Variants in SLC44A4 observed in about 807,000 individuals in gnomAD.
SLC44A4 encodes the protein choline transporter-like protein 4.
Under a neutral mutation model 97.0 loss-of-function variants are expected in SLC44A4, and 74 were observed. The ratio of observed to expected loss-of-function variants is 0.76; its 90% confidence interval spans 0.63 to 0.93. The LOEUF (loss-of-function observed/expected upper bound fraction) is 0.93, where lower values mean the gene tolerates loss of function less well. Among genes scored for constraint, SLC44A4 ranks in the 40% least tolerant of loss-of-function variants. SLC44A4 has a pLI of 0.00. For missense variants in SLC44A4, 799 were observed against 902.9 expected (o/e 0.88, Z 1.48); for synonymous variants, 325 against 363.8 (o/e 0.89, Z 1.21).
rs1428832985 is a variant in SLC44A4 at position 31,864,908 on chromosome 6, C to A, written c.1834G>T (p.Val612Phe). ...CCGGAGAAAAAAAAGAAGGACAGGACCCCTGTGGAATAATTCTGGGGGTTA... is the reference window on the plus strand; with the variant it reads ...CCGGAGAAAAAAAAGAAGGACAGGAACCCTGTGGAATAATTCTGGGGGTTA... ...GKLLVVGGVG[V>F]LSFFFFSGRI... The change falls in exon 19 of 21, where the codon GTC becomes TTC. Residue 612 changes from valine (V) to phenylalanine (F), a missense_variant and splice_region_variant. Around this residue, in one of 3 missense-constraint regions of SLC44A4, gnomAD observed 379 missense variants for 438.3 expected, o/e 0.86. Transcript: ENST00000229729. The A allele has an allele frequency of 1.2e-6, 2 of 1,614,006 alleles. No homozygotes were observed. The highest frequency in any genetic ancestry group is 1.7e-6 in the Non-Finnish European group (2 of 1,179,944).
At chr6:31,873,800 C>T (rs992885533) in intron 7 of SLC44A4, among the ~76,000 whole-genome samples, 5 of 149,724 alleles carry the variant, frequency 3.3e-5, no homozygotes, top group Non-Finnish European at 7.4e-5. Context: ...GCAGGCTGGG[C>T]GTGGTGGCTC....
rs1763495483 is a variant in SLC44A4, at chr6:31,877,209, C to T, written c.41-127G>A. On this transcript the variant is annotated intron_variant, in intron 1 of 20. Coordinates refer to ENST00000229729, the MANE Select transcript of SLC44A4 (RefSeq NM_025257.3). The surrounding 1 kb of genome is among the most constrained non-coding windows in gnomAD (Gnocchi z 6.5). ...TGGAGGGAGATGGGCTAGGGCAGGA[C>T]TGGCAGGAGGGGAAAACTGGGGAGC... is the stretch of plus-strand genomic sequence containing the variant. The T allele has an allele frequency of 2.1e-6, 2 of 965,416 alleles. No individual in the cohort carries two copies. Among genetic ancestry groups the T allele is most frequent in the South Asian group, 3.2e-5 (2 of 62,316 alleles). 59.8% of individuals were successfully genotyped at this position (965,416 alleles called of 1,614,324 possible).
intron 11 of SLC44A4, among the ~76,000 whole-genome samples, chr6:31,869,884 C>G (rs1670555517): frequency 6.6e-6 from 1 of 151,876 alleles, no homozygotes; most frequent in South Asian, 2.1e-4. Context: ...ACTCCGGAGG[C>G]TGAGGCAGGA....
chr6:31,875,019 C>G lies in SLC44A4; in HGVS notation c.252G>C (p.Pro84=), dbSNP rs768859200. The G allele has an allele frequency of 6.2e-7, 1 of 1,611,372 alleles. No individual in the cohort carries two copies. The highest frequency in any genetic ancestry group is 8.5e-7 in the Non-Finnish European group (1 of 1,179,206). ...YCGMGENKDK[P]YLLYFNIFSC... ...TGAAGATGTTGAAGTACAGGAGATACGGCTTATCTCTGTGGGAGGGGAGGG... is the reference window on the plus strand; with the variant it reads ...TGAAGATGTTGAAGTACAGGAGATAGGGCTTATCTCTGTGGGAGGGGAGGG... Residue 84 remains proline, a synonymous_variant, in exon 5 of 21, where the codon CCG becomes CCC. Coordinates refer to ENST00000229729, the MANE Select transcript of SLC44A4 (RefSeq NM_025257.3).
chr6:31,865,882 C>T lies in SLC44A4; in HGVS notation c.1478G>A (p.Arg493His), dbSNP rs749433321. ...PTFPLISAFI[R>H]TLRYHTGSLA... ...CCTGCCCCATCCTTACCGGAGTGTG[C>T]GGATGAAGGCAGAGATTAAGGGGAA... Residue 493 changes from arginine (R) to histidine (H), a missense_variant, in exon 14 of 21, where the codon CGC (arginine) becomes CAC (histidine). Physicochemically the swap from Arg to His is conservative, Grantham distance 29. Around this residue, in one of 3 missense-constraint regions of SLC44A4, gnomAD observed 379 missense variants for 438.3 expected, o/e 0.86. Coordinates refer to ENST00000229729, the MANE Select transcript of SLC44A4 (RefSeq NM_025257.3). This position sits in a 1 kb window ranked among gnomAD's most constrained non-coding sequence, Gnocchi z 5.2. 8 of 1,614,068 alleles carry T rather than the reference C, an allele frequency of 5.0e-6. No homozygotes were observed. The highest frequency in any genetic ancestry group is 2.2e-5 in the South Asian group (2 of 91,074).
intron 11 of SLC44A4, 41 bp downstream of exon 11, chr6:31,870,562 C>T (rs372913706): frequency 1.3e-4 from 202 of 1,517,288 alleles, no homozygotes; most frequent in Non-Finnish European, 1.7e-4. Context: ...CCTGGGTCCA[C>T]GCTGTCCTCA....
Position 31,866,051 on chromosome 6 carries a change from G to T in SLC44A4, c.1309C>A (p.Arg437Ser). Residue 437 changes from arginine to serine, a missense_variant, in exon 14 of 21, where the codon CGT (arginine) becomes AGT (serine). By Grantham distance (110) the Arg-to-Ser change is moderately radical. Transcript: ENST00000229729. ...QGYSSKGLIQ[R>S]SVFNLQIYGV... ...TAGATTTGCAGATTGAAGACAGAAC[G>T]TTGGATTAGGCCTTTGGATGAGTAG... 1 of 1,614,200 alleles carries T rather than the reference G, an allele frequency of 6.2e-7. No individual in the cohort carries two copies. Among genetic ancestry groups the T allele is most frequent in the Non-Finnish European group, 8.5e-7 (1 of 1,180,034 alleles).
Position 31,869,211 on chromosome 6 carries a change from T to C in SLC44A4, c.1177A>G (p.Asn393Asp). 2 of 1,611,076 alleles carry C rather than the reference T, an allele frequency of 1.2e-6. No individual in the cohort carries two copies. Among genetic ancestry groups the C allele is most frequent in the South Asian group, 2.2e-5 (2 of 90,652 alleles). ...GQPQYVLWAS[N>D]ISSPGCEKVP... ...TTCTCACAGCCGGGGGAGCTGATGT[T>C]GGATGCCCAGAGCACATACTGGGGT... The change falls in exon 13 of 21, where the codon AAC becomes GAC. Residue 393 changes from asparagine to aspartate, a missense_variant. Around this residue, in one of 3 missense-constraint regions of SLC44A4, gnomAD observed 379 missense variants for 438.3 expected, o/e 0.86. Coordinates refer to ENST00000229729, the MANE Select transcript of SLC44A4 (RefSeq NM_025257.3).
At chr6:31,864,448 T>C (rs1762723658) in intron 20 of SLC44A4, 1 of 604,496 alleles carries the variant, frequency 1.7e-6, no homozygotes, top group Non-Finnish European at 2.9e-6. Flanking sequence ...TGCTCCTTCT[T>C]TGGAGAGCCT....
Position 31,870,659 on chromosome 6 carries a change from G to A in SLC44A4, c.981C>T (p.Leu327=). 2 of 1,610,774 alleles carry A rather than the reference G, an allele frequency of 1.2e-6. No individual in the cohort carries two copies. Among genetic ancestry groups the A allele is most frequent in the African/African-American group, 2.7e-5 (2 of 74,942 alleles). ...TACGAATCCGCTGCCGCAGGAAGAT[G>A]AGCATCAGCAGCAGGATGGCTTCAA... ...AVLEAILLLM[L]IFLRQRIRIA... The change falls in exon 11 of 21, where the codon CTC becomes CTT. Residue 327 remains leucine, a synonymous_variant. Transcript: ENST00000229729.
rs780661534 is a variant in SLC44A4 at position 31,870,916 on chromosome 6, T to G, written c.833A>C (p.Glu278Ala). The G allele has an allele frequency of 6.2e-7, 1 of 1,612,912 alleles. No individual in the cohort carries two copies. The highest frequency in any genetic ancestry group is 8.5e-7 in the Non-Finnish European group (1 of 1,179,980). Reference protein sequence around the residue: ...VLAYGIYYCWEEYRVLRDKGA... With the variant: ...VLAYGIYYCWAEYRVLRDKGA... The stretch of plus-strand genomic sequence containing the variant: ...CTTGTCCCGCAGCACTCGGTACTCC[T>G]CCCAGCAGTAGTAGATGCCGTATGC... Residue 278 changes from glutamate to alanine, a missense_variant, in exon 10 of 21, where the codon GAG becomes GCG. Glu to Ala is a moderately radical substitution (Grantham distance 107, BLOSUM62 -1). Around this residue, in one of 3 missense-constraint regions of SLC44A4, gnomAD observed 409 missense variants for 434.1 expected, o/e 0.94. Transcript: ENST00000229729.
chr6:31,868,605 C>A (rs1762982689), intron 13 of SLC44A4, among the ~76,000 whole-genome samples: 1 of 152,096 alleles, frequency 6.6e-6, no homozygotes, highest in South Asian at 2.1e-4. Flanking sequence ...AAGACCAGCC[C>A]GGGTAACACA....
At position 31,876,198 on chromosome 6, in the gene SLC44A4, G is replaced by T. The variant is rs1763437190; in HGVS notation, c.90-69C>A. ...GGAGGTAGGGCTTATGGTCTGGAGG[G>T]GTTAAGGGTTAGAGAGTTGGGTGAT... On this transcript the variant is annotated intron_variant, in intron 2 of 20. Transcript: ENST00000229729. The surrounding 1 kb of genome is among the most constrained non-coding windows in gnomAD (Gnocchi z 4.8). 1 of 1,291,432 alleles carries T rather than the reference G, an allele frequency of 7.7e-7. No homozygotes were observed. Among genetic ancestry groups the T allele is most frequent in the Non-Finnish European group, 1.1e-6 (1 of 917,424 alleles). 80.0% of individuals were successfully genotyped at this position (1,291,432 alleles called of 1,614,324 possible).
rs991740105 is a variant in SLC44A4, at chr6:31,865,146, C to T, written c.1761-66G>A. On this transcript the variant is annotated intron_variant, in intron 17 of 20. Coordinates refer to ENST00000229729, the MANE Select transcript of SLC44A4 (RefSeq NM_025257.3). This position sits in a 1 kb window ranked among gnomAD's most constrained non-coding sequence, Gnocchi z 5.2. ...GCAATGCTGAGAGTGAAATTGGCTT[C>T]GTAATTTGTGGGGACTGGTGCAAAA... The T allele has an allele frequency of 5.7e-5, 91 of 1,588,442 alleles. No homozygotes were observed. The highest frequency in any genetic ancestry group is 6.5e-5 in the Non-Finnish European group (75 of 1,157,468).
chr6:31,875,133 G>A (rs369571638), intron 4 of SLC44A4, 105 bp from the exon 5 acceptor site: 94 of 870,946 alleles, frequency 1.1e-4, no homozygotes, highest in African/African-American at 1.6e-4. Context: ...CCAGCCCAGC[G>A]TGGCCCATAC....
chr6:31,865,558 C>T lies in SLC44A4; in HGVS notation c.1626G>A (p.Lys542=). Residue 542 remains lysine, a synonymous_variant, in exon 16 of 21, where the codon AAG becomes AAA. Transcript: ENST00000229729. The surrounding 1 kb of genome is among the most constrained non-coding windows in gnomAD (Gnocchi z 5.2). ...ATTTTTCCAGACACCAGAGGCAGCA[C>T]TTGAAACAGCACATGATGCAGCGGG... ...PVARCIMCCF[K]CCLWCLEKFI... is the part of the protein sequence containing the mutation. The T allele has an allele frequency of 1.3e-6, 2 of 1,598,716 alleles. No homozygotes were observed. Among genetic ancestry groups the T allele is most frequent in the East Asian group, 4.5e-5 (2 of 44,610 alleles).
chr6:31,865,535 T>A lies in SLC44A4; in HGVS notation c.1649A>T (p.Lys550Ile). The A allele has an allele frequency of 1.3e-6, 2 of 1,599,660 alleles. No homozygotes were observed. The highest frequency in any genetic ancestry group is 1.3e-5 in the African/African-American group (1 of 74,580). ...ATTGCGGTTTAGGAACTTGATAAAT[T>A]TTTCCAGACACCAGAGGCAGCACTT... ...CFKCCLWCLEKFIKFLNRNAY... is the reference protein window; with the variant it reads ...CFKCCLWCLEIFIKFLNRNAY... Residue 550 changes from lysine (K) to isoleucine (I), a missense_variant, in exon 16 of 21, where the codon AAA (lysine) becomes ATA (isoleucine). Lys to Ile is a moderately radical substitution (Grantham distance 102, BLOSUM62 -3). Coordinates refer to ENST00000229729, the MANE Select transcript of SLC44A4 (RefSeq NM_025257.3). The surrounding 1 kb of genome is among the most constrained non-coding windows in gnomAD (Gnocchi z 5.2).
intron 3 of SLC44A4, 26 bp from the exon 4 acceptor site, chr6:31,875,956 A>G: frequency 6.2e-7 from 1 of 1,613,800 alleles, no homozygotes; most frequent in Non-Finnish European, 8.5e-7. Flanking sequence ...CAGATGAGTC[A>G]TTGGAGGGCA....
chr6:31,876,882 C>G lies in SLC44A4; in HGVS notation c.89+152G>C. 1 of 781,578 alleles carries G rather than the reference C, an allele frequency of 1.3e-6. No homozygotes were observed. The allele number at this position is 781,578 out of a possible 1,614,324, so 48.4% of individuals were successfully genotyped here. A position where few individuals can be genotyped will look rare whatever the true frequency, so the allele number is the denominator to read the frequency against. On this transcript the variant is annotated intron_variant, in intron 2 of 20. Coordinates refer to ENST00000229729, the MANE Select transcript of SLC44A4 (RefSeq NM_025257.3). This position sits in a 1 kb window ranked among gnomAD's most constrained non-coding sequence, Gnocchi z 4.8. ...AAGCCCTCGATGCCTGCTCCAGACA[C>G]AACAATCCCCCCAGGGCACCACCCA... is the stretch of plus-strand genomic sequence containing the variant.
Sources: allele counts gnomAD v4.1 joint callset (sites outside exome capture counted in the v4.1 genomes callset), GRCh38; gene constraint gnomAD v4.1.1; regional missense constraint gnomAD v4.1.1; non-coding constraint Gnocchi (gnomAD v3.1); transcripts MANE v1.5; gene names NCBI Gene and HGNC (gene_info 2026-07-23, HGNC 2026-07-21).